CYP4F8: variants seen among roughly 807,000 people sequenced by gnomAD.
CYP4F8 encodes the protein cytochrome P450 family 4 subfamily F member 8, also known as cytochrome P450 4F8.
A neutral mutation model predicts 55.0 loss-of-function variants in CYP4F8; 56 were observed. The ratio of observed to expected loss-of-function variants is 1.02; its 90% CI spans 0.82 to 1.27. CYP4F8 has a LOEUF of 1.27. Among genes scored for constraint, CYP4F8 ranks in the 50% most tolerant of loss-of-function variants. CYP4F8 has a pLI of 0.00. For missense variants in CYP4F8, 680 were observed against 682.4 expected (o/e 1.00, Z 0.04); for synonymous variants, 288 against 267.3 (o/e 1.08, Z -0.76).
At chr19:15,620,922 T>G (rs1972185657) in intron 5 of CYP4F8, among the ~76,000 whole-genome samples, 1 of 152,122 alleles carries the variant, frequency 6.6e-6, no homozygotes, top group Non-Finnish European at 1.5e-5. Flanking sequence ...TAAATTAGCT[T>G]GTTACTTTTG....
intron 5 of CYP4F8, among the ~76,000 whole-genome samples, chr19:15,620,973 A>G (rs7257914): frequency 0.47 from 71,000 of 151,922 alleles, 17,310 homozygotes; most frequent in Non-Finnish European, 0.54. Context: ...TGGGTCAAAG[A>G]CAAAAGTTTA....
rs1972307825 is a variant in CYP4F8, at chr19:15,629,426, C to G, written c.*68C>G. 6.7e-7 allele frequency: 1 copy of G among 1,483,980 alleles called. No individual in the cohort carries two copies. The highest frequency in any genetic ancestry group is 9.0e-7 in the Non-Finnish European group (1 of 1,115,290). The allele number at this position is 1,483,980 out of a possible 1,614,324, so 91.9% of individuals were successfully genotyped here. A position where few individuals can be genotyped will look rare whatever the true frequency, so the allele number is the denominator to read the frequency against. ...TTGCACCAACTACCTTTTCAGATTT[C>G]CGGTAATAAATCTGTGTTGGCCCCT... On this transcript the variant is annotated 3_prime_UTR_variant, in exon 13 of 13. Coordinates refer to ENST00000612078, the MANE Select transcript of CYP4F8 (RefSeq NM_007253.4).
intron 6 of CYP4F8, chr19:15,622,677 C>T (rs1193290171): frequency 5.5e-6 from 2 of 363,402 alleles, no homozygotes; most frequent in East Asian, 6.9e-5. Flanking sequence ...GCATTTTATC[C>T]AAGGTTCCTA....
rs777708576 is a variant in CYP4F8 at position 15,619,554 on chromosome 19, G to A, written c.397+11G>A. On this transcript the variant is annotated intron_variant, in intron 4 of 12. Transcript: ENST00000612078. The stretch of plus-strand genomic sequence containing the variant: ...TGAAGCCCTGGCTGGGTAAGTAACT[G>A]TAGGTGGACGGGACGGGGACCAACT... 14 of 1,614,210 alleles carry A rather than the reference G, an allele frequency of 8.7e-6. No homozygotes were observed. The highest frequency in any genetic ancestry group is 1.2e-5 in the Non-Finnish European group (14 of 1,180,034).
In CYP4F8 at chr19:15,629,258, G is replaced by T. The variant is rs1292235689; in HGVS notation, c.1463G>T (p.Arg488Leu). Residue 488 changes from arginine to leucine, a missense_variant, in exon 13 of 13, where the codon CGC (arginine) becomes CTC (leucine). Coordinates refer to ENST00000612078, the MANE Select transcript of CYP4F8 (RefSeq NM_007253.4). ...GTGGTCCTGGCGCTCACGCTGCTGC[G>T]CTTCCGCATCCTGCCCGACCACAGG... is the stretch of plus-strand genomic sequence containing the variant. ...MKVVLALTLL[R>L]FRILPDHREP... The T allele has an allele frequency of 6.2e-7, 1 of 1,613,484 alleles. No individual in the cohort carries two copies. Among genetic ancestry groups the T allele is most frequent in the Admixed American group, 1.7e-5 (1 of 59,936 alleles).
In CYP4F8 at chr19:15,629,750, AT is replaced by A. The variant is rs1417645174; in HGVS notation, c.*394del. ...ATTTGAAAGCCTTTCTTGAAGCTCAATTGGTTAAGTGACTGTGGCTGTCCCA... is the reference window on the plus strand; with the variant it reads ...ATTTGAAAGCCTTTCTTGAAGCTCAATGGTTAAGTGACTGTGGCTGTCCCA... On this transcript the variant is annotated 3_prime_UTR_variant, in exon 13 of 13. Transcript: ENST00000612078. 5.9e-6 allele frequency: 1 copy of A among 169,312 alleles called. No homozygotes were observed. Among genetic ancestry groups the A allele is most frequent in the Non-Finnish European group, 1.3e-5 (1 of 79,002 alleles). The allele number at this position is 169,312 out of a possible 1,614,324, so 10.5% of individuals were successfully genotyped here.
Position 15,615,829 on chromosome 19 carries a change from G to T in CYP4F8, c.198+15G>T. On this transcript the variant is annotated intron_variant, in intron 2 of 12. Coordinates refer to ENST00000612078, the MANE Select transcript of CYP4F8 (RefSeq NM_007253.4). ...ACCTGGGCCTGGTGAGTGGCAGGAG[G>T]ATGGATCTAGTGTCTCAGGGTGGAA... 1 of 1,602,640 alleles carries T rather than the reference G, an allele frequency of 6.2e-7. No homozygotes were observed. Among genetic ancestry groups the T allele is most frequent in the Non-Finnish European group, 8.5e-7 (1 of 1,173,244 alleles).
Position 15,618,074 on chromosome 19 carries a change from G to A in CYP4F8, c.273G>A (p.Trp91Ter), listed in dbSNP as rs1427215363. The A allele has an allele frequency of 3.1e-6, 5 of 1,614,066 alleles. No individual in the cohort carries two copies. In the East Asian group the frequency reaches 8.9e-5, roughly 29 times the overall value. Residue 91 changes from tryptophan (W) to a stop codon, truncating the protein, a stop_gained, in exon 3 of 13, where the codon TGG becomes TGA. Transcript: ENST00000612078. LOFTEE classifies it high-confidence loss of function. Reference sequence around the variant, plus strand: ...CCTACCCCCAGGGCTTTGTGAGGTGGTTGGGCCCCATCACTCCCATCATCA... The same window carrying A: ...CCTACCCCCAGGGCTTTGTGAGGTGATTGGGCCCCATCACTCCCATCATCA... ...VATYPQGFVR[W>*]LGPITPIINL...
rs367722247 is a variant in CYP4F8, at chr19:15,622,232, G to A, written c.539G>A (p.Arg180His). ...TTCTCTGGCCAGGCCAAGTGGCAAC[G>A]CCTGGCCATGGAGGGCAGCACCTGT... ...SANIMHAKWQ[R>H]LAMEGSTCLD... is the part of the protein sequence containing the mutation. The change falls in exon 6 of 13, where the codon CGC (arginine) becomes CAC (histidine). Residue 180 changes from arginine to histidine, a missense_variant. Transcript: ENST00000612078. The A allele has an allele frequency of 3.0e-5, 49 of 1,613,454 alleles. No individual in the cohort carries two copies. In the African/African-American group the frequency reaches 4.1e-4, roughly 14 times the overall value.
At chr19:15,625,673 T>G (rs1972253810) in intron 9 of CYP4F8, among the ~76,000 whole-genome samples, 1 of 152,080 alleles carries the variant, frequency 6.6e-6, no homozygotes. Context: ...ATTTGAACTC[T>G]GTGATCAGGT....
At chr19:15,620,802 G>A (rs577273065) in intron 5 of CYP4F8, among the ~76,000 whole-genome samples, 1 of 152,324 alleles carries the variant, frequency 6.6e-6, no homozygotes, top group East Asian at 1.9e-4. Flanking sequence ...TCTCTTAATG[G>A]AAGTTGCTAA....
At position 15,629,500 on chromosome 19, in the gene CYP4F8, G is replaced by T; in HGVS notation, c.*142G>T. The T allele has an allele frequency of 1.7e-6, 2 of 1,204,746 alleles. No homozygotes were observed. Among genetic ancestry groups the T allele is most frequent in the East Asian group, 2.7e-5 (1 of 36,514 alleles). 74.6% of individuals were successfully genotyped at this position (1,204,746 alleles called of 1,614,324 possible). The stretch of plus-strand genomic sequence containing the variant: ...AGTAGGGGGCGCTGGAGGACTGCGG[G>T]GATCTAGGGCCTGGCTGGGAAGAGG... On this transcript the variant is annotated 3_prime_UTR_variant, in exon 13 of 13. Coordinates refer to ENST00000612078, the MANE Select transcript of CYP4F8 (RefSeq NM_007253.4).
In CYP4F8 at chr19:15,629,461, T is replaced by C; in HGVS notation, c.*103T>C. ...ATCTGTGTTGGCCCCTGTGCCTCAG[T>C]CCCGCGGATGGCCAGTAGGGGGCGC... On this transcript the variant is annotated 3_prime_UTR_variant, in exon 13 of 13. Coordinates refer to ENST00000612078, the MANE Select transcript of CYP4F8 (RefSeq NM_007253.4). 7.1e-7 allele frequency: 1 copy of C among 1,416,182 alleles called. No individual in the cohort carries two copies. The highest frequency in any genetic ancestry group is 9.3e-7 in the Non-Finnish European group (1 of 1,078,952). 87.7% of individuals were successfully genotyped at this position (1,416,182 alleles called of 1,614,324 possible).
In CYP4F8 at chr19:15,622,354, C is replaced by A. The variant is rs781156425; in HGVS notation, c.647+14C>A. 5 of 1,595,282 alleles carry A rather than the reference C, an allele frequency of 3.1e-6. No homozygotes were observed. In the African/African-American group the frequency reaches 6.8e-5, roughly 22 times the overall value. On this transcript the variant is annotated intron_variant, in intron 6 of 12. Coordinates refer to ENST00000612078, the MANE Select transcript of CYP4F8 (RefSeq NM_007253.4). ...CAATTGTCAGGAGTGAGTTCTTGCC[C>A]AGGGCCTGGGAACATGGGATGGAGT...
chr19:15,628,541 TAACATCAACATCTTC>T lies in CYP4F8; in HGVS notation c.1261_1275del (p.Asn421_Phe425del), dbSNP rs1972292840. The T allele has an allele frequency of 1.2e-6, 2 of 1,613,782 alleles. No individual in the cohort carries two copies. Among genetic ancestry groups the T allele is most frequent in the African/African-American group, 2.7e-5 (2 of 74,892 alleles). ...TCTCCTGCACGACAGGGAATGTCTG[TAACATCAACATCTTC>T]GCAATCCATCACAACCCCTCAGTCT... is the stretch of plus-strand genomic sequence containing the variant. On this transcript the variant is annotated inframe_deletion, in exon 11 of 13. Transcript: ENST00000612078.
chr19:15,628,791 A>G lies in CYP4F8; in HGVS notation c.1345A>G (p.Asn449Asp), dbSNP rs1425459565. 1 of 1,610,810 alleles carries G rather than the reference A, an allele frequency of 6.2e-7. No homozygotes were observed. Among genetic ancestry groups the G allele is most frequent in the Non-Finnish European group, 8.5e-7 (1 of 1,178,780 alleles). ...TGACCCCTTCCGCTTCGACCCAGAA[A>G]ACGCCCAGAAGAGGTCACCTATGGC... ...VYDPFRFDPE[N>D]AQKRSPMAFI... Residue 449 changes from asparagine (N) to aspartate (D), a missense_variant, in exon 12 of 13, where the codon AAC becomes GAC. Coordinates refer to ENST00000612078, the MANE Select transcript of CYP4F8 (RefSeq NM_007253.4).
rs918813492 is a variant in CYP4F8 at position 15,619,497 on chromosome 19, T to C, written c.351T>C (p.Ile117=). ...GGTCCTCATTCATGTCAGATGCCAT[T>C]ACAGACAAGGACATAGTCTTCTACA... ...VRSVINTSDA[I]TDKDIVFYKT... The change falls in exon 4 of 13, where the codon ATT becomes ATC. Residue 117 remains isoleucine, a synonymous_variant. Transcript: ENST00000612078. 4.3e-6 allele frequency: 7 copies of C among 1,614,036 alleles called. No homozygotes were observed. The highest frequency in any genetic ancestry group is 5.9e-6 in the Non-Finnish European group (7 of 1,179,998).
chr19:15,628,392 C>T lies in CYP4F8; in HGVS notation c.1206C>T (p.Cys402=), dbSNP rs758626245. The change falls in exon 10 of 13, where the codon TGC becomes TGT. Residue 402 remains cysteine, a synonymous_variant. Coordinates refer to ENST00000612078, the MANE Select transcript of CYP4F8 (RefSeq NM_007253.4). ...HPPIPTFARG[C]TQDVVLPDSR... is the part of the protein sequence containing the mutation. ...CAATCCCTACATTCGCCCGCGGCTG[C>T]ACCCAGGACGTGGTGCTCCCAGACA... 6 of 1,614,126 alleles carry T rather than the reference C, an allele frequency of 3.7e-6. No individual in the cohort carries two copies. The Admixed American group carries it at 1.0e-4, about 27-fold the overall frequency.
At position 15,628,826 on chromosome 19, in the gene CYP4F8, T is replaced by TCACC. The variant is rs1350163851; in HGVS notation, c.1380_1381insCACC (p.Phe461HisfsTer87). ...AGAGGTCACCTATGGCTTTTATTCC[T>TCACC]TTCTCGGCGGGGCCCAGGTGAGGCC... is the stretch of plus-strand genomic sequence containing the variant. On this transcript the variant is annotated frameshift_variant, in exon 12 of 13. Coordinates refer to ENST00000612078, the MANE Select transcript of CYP4F8 (RefSeq NM_007253.4). LOFTEE classifies it low-confidence loss of function (END_TRUNC). The TCACC allele has an allele frequency of 5.0e-6, 8 of 1,604,300 alleles. No homozygotes were observed. The highest frequency in any genetic ancestry group is 6.8e-6 in the Non-Finnish European group (8 of 1,175,842).
Sources: allele counts gnomAD v4.1 joint callset (sites outside exome capture counted in the v4.1 genomes callset), GRCh38; gene constraint gnomAD v4.1.1; transcripts MANE v1.5; gene names NCBI Gene and HGNC (gene_info 2026-07-23, HGNC 2026-07-21).